The following ABCB1 variants were observed in gnomAD, a reference collection of about 807,000 sequenced individuals.
ABCB1 encodes the protein ATP binding cassette subfamily B member 1.
ABCB1 carries 69 observed loss-of-function variants against 142.0 expected under a neutral mutation model. That is an observed-to-expected ratio of 0.49 (90% CI 0.40 to 0.59). The LOEUF (loss-of-function observed/expected upper bound fraction) is 0.59, where lower values mean the gene tolerates loss of function less well. Ranked by LOEUF, ABCB1 falls within the 20% of genes least tolerant of loss-of-function variation. The probability of loss-of-function intolerance (pLI) is 0.00; values close to 1 mark genes in which losing one functional copy is unlikely to be tolerated. For synonymous variants in ABCB1, 532 were observed against 539.2 expected (o/e 0.99, Z 0.18); for missense variants, 1,326 against 1,554.7 (o/e 0.85, Z 2.47).
intron 26 of ABCB1, chr7:87,506,265 T>C: frequency 1.8e-6 from 1 of 544,988 alleles, no homozygotes; most frequent in East Asian, 3.1e-5. Flanking sequence ...TGATATGTTT[T>C]AGTGTAAACA....
chr7:87,532,177 A>G (rs1462531258), intron 20 of ABCB1, among the ~76,000 whole-genome samples: 1 of 152,188 alleles, frequency 6.6e-6, no homozygotes, highest in African/African-American at 2.4e-5. Context: ...CTACAAAGTC[A>G]GTTTAGTCCA....
intron 27 of ABCB1, among the ~76,000 whole-genome samples, 190 bp downstream of exon 27, chr7:87,505,707 T>C (rs900430794): frequency 3.0e-4 from 45 of 152,130 alleles, no homozygotes; most frequent in Admixed American, 2.9e-3. Flanking sequence ...GCATATGTGC[T>C]CTAAGACTAA....
At chr7:87,632,186 AC>A (rs1821291583) in intron 1 of ABCB1, among the ~76,000 whole-genome samples, 1 of 150,656 alleles carries the variant, frequency 6.6e-6, no homozygotes, top group Non-Finnish European at 1.5e-5. Flanking sequence ...GTTTTTCCTT[AC>A]CCCTTAAACA....
At chr7:87,640,926 T>C (rs989049069) in intron 1 of ABCB1, among the ~76,000 whole-genome samples, 1 of 152,204 alleles carries the variant, frequency 6.6e-6, no homozygotes, top group Admixed American at 6.5e-5. Flanking sequence ...TTTTTACCTA[T>C]GTACTTCATT....
At chr7:87,562,348 A>G (rs1336207788) in intron 7 of ABCB1, among the ~76,000 whole-genome samples, 1 of 152,210 alleles carries the variant, frequency 6.6e-6, no homozygotes, top group African/African-American at 2.4e-5. Flanking sequence ...TCTCAAAGCA[A>G]TCTTCCTGGG....
At chr7:87,530,693 C>T (rs1815996897) in intron 21 of ABCB1, among the ~76,000 whole-genome samples, 1 of 151,754 alleles carries the variant, frequency 6.6e-6, no homozygotes, top group South Asian at 2.1e-4. Flanking sequence ...ATAAATACCC[C>T]TAGCATTTTT....
chr7:87,592,290 G>A (rs1381917611), intron 3 of ABCB1, among the ~76,000 whole-genome samples: 2 of 152,180 alleles, frequency 1.3e-5, no homozygotes, highest in Non-Finnish European at 2.9e-5. Flanking sequence ...GGAGATAGGA[G>A]CCAAAGTATG....
intron 1 of ABCB1, among the ~76,000 whole-genome samples, chr7:87,614,664 C>T (rs1333252618): frequency 6.6e-6 from 1 of 152,166 alleles, no homozygotes; most frequent in African/African-American, 2.4e-5. Context: ...TGTTAATAGA[C>T]AGCCTGTTTA....
At chr7:87,648,022 A>G (rs1377762660) in intron 1 of ABCB1, among the ~76,000 whole-genome samples, 1 of 151,722 alleles carries the variant, frequency 6.6e-6, no homozygotes, top group African/African-American at 2.4e-5. Flanking sequence ...GCCTCTACTA[A>G]AAAATACAAA....
intron 1 of ABCB1, among the ~76,000 whole-genome samples, chr7:87,660,788 T>A (rs1471023082): frequency 6.6e-6 from 1 of 151,978 alleles, no homozygotes; most frequent in Non-Finnish European, 1.5e-5. Flanking sequence ...CATTTTTAAG[T>A]AATTTCTACT....
chr7:87,578,279 G>A (rs1818355731), intron 4 of ABCB1, among the ~76,000 whole-genome samples: 1 of 152,090 alleles, frequency 6.6e-6, no homozygotes, highest in South Asian at 2.1e-4. Flanking sequence ...ATTGGTCTAT[G>A]TGTCTCTTTT....
chr7:87,680,346 A>G (rs926540900), intron 1 of ABCB1, among the ~76,000 whole-genome samples: 6 of 150,724 alleles, frequency 4.0e-5, no homozygotes, highest in African/African-American at 1.5e-4. Context: ...TCTCGAGGAA[A>G]ATTAGTCTTT....
intron 14 of ABCB1, among the ~76,000 whole-genome samples, chr7:87,546,232 C>A (rs929691297): frequency 2.6e-5 from 4 of 152,266 alleles, no homozygotes; most frequent in African/African-American, 9.6e-5. Context: ...ACAAATATAA[C>A]AGTCACATAT....
intron 1 of ABCB1, among the ~76,000 whole-genome samples, chr7:87,625,658 T>A: frequency 6.6e-6 from 1 of 152,198 alleles, no homozygotes; most frequent in South Asian, 2.1e-4. Context: ...AGTGCATCTG[T>A]TTCCTGATGG....
At chr7:87,637,258 A>G (rs764839638) in intron 1 of ABCB1, among the ~76,000 whole-genome samples, 1 of 152,208 alleles carries the variant, frequency 6.6e-6, no homozygotes, top group Non-Finnish European at 1.5e-5. Context: ...GTCTGTTTCT[A>G]GACTTTCTTT....
intron 20 of ABCB1, among the ~76,000 whole-genome samples, chr7:87,535,323 C>T: frequency 6.9e-6 from 1 of 145,772 alleles, no homozygotes; most frequent in Non-Finnish European, 1.5e-5. Flanking sequence ...ATTCCAGCCA[C>T]TCTGTCTTCT....
rs572978857 is a variant in ABCB1, at chr7:87,639,418, A to G, written c.-330-38340T>C. On this transcript the variant is annotated intron_variant, in intron 1 of 28. Transcript: ENST00000265724. Reference sequence around the variant, plus strand: ...ATATGTCAGTTAAGTCTAGTGTTTTAATTGCCTTGTTCATGTCCTCTGTAT... The same window carrying G: ...ATATGTCAGTTAAGTCTAGTGTTTTGATTGCCTTGTTCATGTCCTCTGTAT... Among the ~76,000 whole-genome samples, 14 of 152,250 alleles carry G rather than the reference A, an allele frequency of 9.2e-5. No individual in the cohort carries two copies. The East Asian group carries it at 2.3e-3, about 25-fold the overall frequency.
chr7:87,595,917 A>C lies in ABCB1; in HGVS notation c.69-103T>G, dbSNP rs531722214. The C allele has an allele frequency of 1.7e-4, 143 of 858,992 alleles. 1 individual carries two copies. In the South Asian group the frequency reaches 2.0e-3, roughly 12 times the overall value. 53.2% of individuals were successfully genotyped at this position (858,992 alleles called of 1,614,324 possible). A position where few individuals can be genotyped will look rare whatever the true frequency, so the allele number is the denominator to read the frequency against. ...ATATTTAATGACTAATAGGAAGAAG[A>C]AATATGTCTATATTATACAGTTAAA... On this transcript the variant is annotated intron_variant, in intron 2 of 27. Coordinates refer to ENST00000622132, the MANE Select transcript of ABCB1 (RefSeq NM_001348946.2).
At chr7:87,589,268 C>T (rs1430407388) in intron 3 of ABCB1, among the ~76,000 whole-genome samples, 2 of 152,106 alleles carry the variant, frequency 1.3e-5, no homozygotes, top group Non-Finnish European at 2.9e-5. Flanking sequence ...CACAGAAAAC[C>T]TTACATAGCT....
Sources: gnomAD v4.1 joint callset for allele counts (sites outside exome capture counted in the v4.1 genomes callset) on GRCh38, gnomAD v4.1.1 for gene constraint, MANE v1.5 for transcripts, NCBI Gene and HGNC (gene_info 2026-07-23, HGNC 2026-07-21) for gene names.